Variants in DAAM2 observed in about 807,000 individuals in gnomAD.
DAAM2 encodes disheveled-associated activator of morphogenesis 2.
In DAAM2, 39 loss-of-function variants were observed where a neutral mutation model predicts 120.7. That is an observed-to-expected ratio of 0.32 (90% CI 0.25 to 0.42). The LOEUF (loss-of-function observed/expected upper bound fraction) is 0.42, where lower values mean the gene tolerates loss of function less well. Ranked by LOEUF, DAAM2 falls within the 10% of genes least tolerant of loss-of-function variation. The pLI is 1.00. For synonymous variants in DAAM2, 488 were observed against 524.9 expected (o/e 0.93, Z 0.96); for missense variants, 1,283 against 1,401.7 (o/e 0.92, Z 1.35).
intron 1 of DAAM2, chr6:39,823,164 C>T (rs6914445): frequency 0.3 from 45,406 of 151,790 alleles, 7,279 homozygotes; most frequent in African/African-American, 0.41. Context: ...TTTTAACTTT[C>T]AATGCTTTGT....
At chr6:39,820,497 T>G (rs1399896786) in intron 1 of DAAM2, 7 of 152,202 alleles carry the variant, frequency 4.6e-5, no homozygotes, top group Admixed American at 4.6e-4. Context: ...CCACGTAGAA[T>G]ACATTTATCT....
chr6:39,899,947 T>G, intron 22 of DAAM2, 130 bp from the exon 23 acceptor site: 4 of 1,046,424 alleles, frequency 3.8e-6, no homozygotes, highest in Admixed American at 2.8e-5. Flanking sequence ...CCTTAGAACT[T>G]TGAGATGCAG....
In DAAM2 at chr6:39,896,976, G is replaced by T; in HGVS notation, c.2506G>T (p.Asp836Tyr). Residue 836 changes from aspartate to tyrosine, a missense_variant, in exon 20 of 25, where the codon GAC becomes TAC. This residue lies in a region of DAAM2 where 748 missense variants were observed against 768.6 expected (regional missense o/e 0.97). Coordinates refer to ENST00000274867, the MANE Select transcript of DAAM2 (RefSeq NM_001201427.2). ...NKIADTKSSI[D>Y]RNISLLHYLI... is the part of the protein sequence containing the mutation. ...GATCGCTGACACCAAGTCCAGCATC[G>T]ACAGGTGAGGACCTCCCTTCCCGGC... 6.2e-7 allele frequency: 1 copy of T among 1,604,884 alleles called. No individual in the cohort carries two copies. The highest frequency in any genetic ancestry group is 8.5e-7 in the Non-Finnish European group (1 of 1,175,618).
intron 21 of DAAM2, 119 bp from the exon 22 acceptor site, chr6:39,898,758 C>A: frequency 1.2e-6 from 1 of 832,498 alleles, no homozygotes; most frequent in Admixed American, 2.1e-5. Flanking sequence ...AGGGCTGGAA[C>A]CCAGGCTCAC....
chr6:39,808,183 G>T (rs1360337996), intron 1 of DAAM2, among the ~76,000 whole-genome samples: 1 of 151,648 alleles, frequency 6.6e-6, no homozygotes, highest in Non-Finnish European at 1.5e-5. Context: ...AAAAATTATG[G>T]CAAAAACCAT....
In DAAM2 at chr6:39,883,943, T is replaced by C. The variant is rs1427715798; in HGVS notation, c.1846-19T>C. 4.1e-5 allele frequency: 64 copies of C among 1,578,200 alleles called. No individual in the cohort carries two copies. Among genetic ancestry groups the C allele is most frequent in the Non-Finnish European group, 5.5e-5 (63 of 1,149,056 alleles). On this transcript the variant is annotated intron_variant, in intron 14 of 24. Coordinates refer to ENST00000274867, the MANE Select transcript of DAAM2 (RefSeq NM_001201427.2). ...GAGTTGGGCCAACCATGGGATCTTCTCCCTACCCTGAATTTTAGGAGCGTG... is the reference window on the plus strand; with the variant it reads ...GAGTTGGGCCAACCATGGGATCTTCCCCCTACCCTGAATTTTAGGAGCGTG...
chr6:39,805,587 C>T (rs1761987000), intron 1 of DAAM2, among the ~76,000 whole-genome samples: 1 of 150,136 alleles, frequency 6.7e-6, no homozygotes, highest in Admixed American at 6.6e-5. Context: ...CAGAGTCTCG[C>T]TCTGTTGCCC....
intron 4 of DAAM2, 84 bp from the exon 5 acceptor site, chr6:39,864,896 G>A (rs1010407216): frequency 1.3e-6 from 2 of 1,521,132 alleles, no homozygotes; most frequent in Non-Finnish European, 8.9e-7. Flanking sequence ...CCTTTCTGAG[G>A]CAAGCATGGC....
chr6:39,871,178 G>A (rs1040561732), intron 8 of DAAM2, among the ~76,000 whole-genome samples: 1 of 152,132 alleles, frequency 6.6e-6, no homozygotes, highest in Non-Finnish European at 1.5e-5. Flanking sequence ...AGTGGGTGGA[G>A]GCTGGGGATG....
Position 39,875,325 on chromosome 6 carries a change from C to G in DAAM2, c.1163-5C>G, listed in dbSNP as rs769795464. 2 of 1,613,158 alleles carry G rather than the reference C, an allele frequency of 1.2e-6. No individual in the cohort carries two copies. The highest frequency in any genetic ancestry group is 8.5e-7 in the Non-Finnish European group (1 of 1,179,440). On this transcript the variant is annotated splice_polypyrimidine_tract_variant and splice_region_variant and intron_variant, in intron 10 of 24. Transcript: ENST00000274867. ...AGGAAAGATATGATACCTGTCATCC[C>G]TCAGACAAACGGAACGGTGGCTACT...
chr6:39,865,121 T>A, intron 5 of DAAM2, 47 bp downstream of exon 5: 1 of 1,153,332 alleles, frequency 8.7e-7, no homozygotes, highest in Non-Finnish European at 1.3e-6. Flanking sequence ...CCTTCACAGT[T>A]GGTCTCCTTG....
chr6:39,878,638 C>A lies in DAAM2; in HGVS notation c.1545+50C>A. ...ATAGTTGAGCCAAGACCCTGGGCTT[C>A]AGGACTGGGTGGGCAGAGCAGGTGT... is the stretch of plus-strand genomic sequence containing the variant. On this transcript the variant is annotated intron_variant, in intron 13 of 24. Transcript: ENST00000274867. This position sits in a 1 kb window ranked among gnomAD's most constrained non-coding sequence, Gnocchi z 5.0. The A allele has an allele frequency of 6.5e-7, 1 of 1,536,900 alleles. No individual in the cohort carries two copies. Among genetic ancestry groups the A allele is most frequent in the Non-Finnish European group, 8.8e-7 (1 of 1,136,556 alleles).
At chr6:39,884,097 G>A (rs1765263325) in intron 15 of DAAM2, 28 bp downstream of exon 15, 3 of 1,261,964 alleles carry the variant, frequency 2.4e-6, no homozygotes, top group Non-Finnish European at 3.4e-6. Context: ...CTGGCCTCTT[G>A]GACCATACCC....
chr6:39,835,000 C>T (rs1422496530), intron 1 of DAAM2, among the ~76,000 whole-genome samples: 2 of 152,192 alleles, frequency 1.3e-5, no homozygotes, highest in Non-Finnish European at 2.9e-5. Flanking sequence ...CTCTCTCCAC[C>T]CACACCACAA....
intron 1 of DAAM2, among the ~76,000 whole-genome samples, chr6:39,855,753 C>T (rs970151490): frequency 6.6e-6 from 1 of 152,224 alleles, no homozygotes; most frequent in Non-Finnish European, 1.5e-5. Context: ...ATCATTAGCT[C>T]AGTGTTTCCT....
rs1444515058 is a variant in DAAM2, at chr6:39,901,619, ACTT to A, written c.2982+152_2982+154del. On this transcript the variant is annotated intron_variant, in intron 24 of 24. Transcript: ENST00000274867. This position sits in a 1 kb window ranked among gnomAD's most constrained non-coding sequence, Gnocchi z 4.5. The stretch of plus-strand genomic sequence containing the variant: ...TGGATGTCAGCCCCAGGAGAGAGAA[ACTT>A]CTTCCCAGCCTGAGGGAAGAGAGTG... 47 of 1,076,768 alleles carry A rather than the reference ACTT, an allele frequency of 4.4e-5. No individual in the cohort carries two copies. Among genetic ancestry groups the A allele is most frequent in the Non-Finnish European group, 6.1e-5 (47 of 770,834 alleles). The allele number at this position is 1,076,768 out of a possible 1,614,324, so 66.7% of individuals were successfully genotyped here. A position where few individuals can be genotyped will look rare whatever the true frequency, so the allele number is the denominator to read the frequency against.
chr6:39,879,970 G>T (rs1376550704), intron 14 of DAAM2: 3 of 221,600 alleles, frequency 1.4e-5, no homozygotes. Context: ...AGCAGTGAGA[G>T]ATCCTCATGA....
At chr6:39,808,685 A>G (rs549872250) in intron 1 of DAAM2, among the ~76,000 whole-genome samples, 1 of 152,360 alleles carries the variant, frequency 6.6e-6, no homozygotes, top group East Asian at 1.9e-4. Flanking sequence ...AGCCCAATCC[A>G]AGTGACATAC....
In DAAM2 at chr6:39,904,553, TCAG is replaced by T. The variant is rs779409261; in HGVS notation, c.*2522_*2524del. 4 of 453,608 alleles carry T rather than the reference TCAG, an allele frequency of 8.8e-6. No individual in the cohort carries two copies. The highest frequency in any genetic ancestry group is 1.8e-5 in the Non-Finnish European group (4 of 226,960). The allele number at this position is 453,608 out of a possible 1,614,324, so 28.1% of individuals were successfully genotyped here. The stretch of plus-strand genomic sequence containing the variant: ...CATCAACCTAACAAACACAACCTTC[TCAG>T]CAGCATTTCTCCCCTGTGATGGAAA... On this transcript the variant is annotated 3_prime_UTR_variant, in exon 25 of 25. Transcript: ENST00000274867.
Sources: allele counts gnomAD v4.1 joint callset (sites outside exome capture counted in the v4.1 genomes callset), GRCh38; gene constraint gnomAD v4.1.1; regional missense constraint gnomAD v4.1.1; non-coding constraint Gnocchi (gnomAD v3.1); transcripts MANE v1.5; gene names NCBI Gene and HGNC (gene_info 2026-07-23, HGNC 2026-07-21).